MLLT3: variants seen among roughly 807,000 people sequenced by gnomAD.
The protein encoded by MLLT3 is protein AF-9.
A neutral mutation model predicts 53.2 loss-of-function variants in MLLT3; 4 were observed. The observed-to-expected ratio is 0.08, with a 90% CI of 0.04 to 0.17. MLLT3 has a LOEUF of 0.17. Ranked by LOEUF, MLLT3 falls within the 10% of genes least tolerant of loss-of-function variation. The probability of loss-of-function intolerance (pLI) is 1.00; values close to 1 mark genes in which losing one functional copy is unlikely to be tolerated. For missense variants in MLLT3, 569 were observed against 684.0 expected, an observed-to-expected ratio of 0.83 and a Z score of 1.87; for synonymous variants, 283 against 230.6, an observed-to-expected ratio of 1.23 and a Z score of -2.06.
intron 2 of MLLT3, among the ~76,000 whole-genome samples, chr9:20,569,849 G>C (rs1218144923): frequency 6.6e-6 from 1 of 152,196 alleles, no homozygotes; most frequent in East Asian, 1.9e-4. Context: ...ATGTGAAGCA[G>C]AAGCTCAGTA....
chr9:20,621,692 G>A lies in MLLT3; in HGVS notation c.12+553C>T. On this transcript the variant is annotated intron_variant, in intron 1 of 10. Transcript: ENST00000380338. The surrounding 1 kb of genome is among the most constrained non-coding windows in gnomAD (Gnocchi z 7.0). ...CGGCTCGCGCTCAGCACCTCCCGGC[G>A]CTGGGGCAAAGTTGCGTGCGGCCCC... is the stretch of plus-strand genomic sequence containing the variant. 2 of 1,398,886 alleles carry A rather than the reference G, an allele frequency of 1.4e-6. No homozygotes were observed. The highest frequency in any genetic ancestry group is 1.3e-5 in the South Asian group (1 of 76,430). 86.7% of individuals were successfully genotyped at this position (1,398,886 alleles called of 1,614,324 possible).
intron 10 of MLLT3, among the ~76,000 whole-genome samples, chr9:20,352,270 G>C (rs889652950): frequency 6.6e-6 from 1 of 152,146 alleles, no homozygotes; most frequent in African/African-American, 2.4e-5. Context: ...GGCCCAGCTT[G>C]GGCATTAATA....
chr9:20,618,109 A>T (rs1405028311), intron 2 of MLLT3, among the ~76,000 whole-genome samples: 4 of 152,174 alleles, frequency 2.6e-5, no homozygotes, highest in Admixed American at 2.0e-4. Flanking sequence ...TATAGCCAAC[A>T]CAGCTTATTT....
At chr9:20,399,315 A>T (rs1028322256) in intron 5 of MLLT3, among the ~76,000 whole-genome samples, 1 of 152,288 alleles carries the variant, frequency 6.6e-6, no homozygotes, top group Admixed American at 6.5e-5. Context: ...CTATAAATAC[A>T]TACGCATATA....
At chr9:20,429,212 T>A (rs996289968) in intron 4 of MLLT3, among the ~76,000 whole-genome samples, 1 of 151,570 alleles carries the variant, frequency 6.6e-6, no homozygotes, top group African/African-American at 2.4e-5. Flanking sequence ...TAAAAAAGAT[T>A]TAAAAATTAG....
intron 2 of MLLT3, among the ~76,000 whole-genome samples, chr9:20,581,867 C>T (rs1819800551): frequency 6.6e-6 from 1 of 152,180 alleles, no homozygotes; most frequent in Non-Finnish European, 1.5e-5. Flanking sequence ...CTCTATATCA[C>T]TATTTAAGGA....
At chr9:20,587,939 T>C (rs1464734263) in intron 2 of MLLT3, among the ~76,000 whole-genome samples, 6 of 150,296 alleles carry the variant, frequency 4.0e-5, no homozygotes, top group African/African-American at 2.4e-5. Flanking sequence ...TGAATGGTAA[T>C]GCCTAGGTTT....
intron 2 of MLLT3, among the ~76,000 whole-genome samples, chr9:20,508,748 G>C (rs2118956348): frequency 6.6e-6 from 1 of 152,214 alleles, no homozygotes; most frequent in East Asian, 1.9e-4. Flanking sequence ...TTCACTAATG[G>C]AAGTATAAAA....
rs1396554866 is a variant in MLLT3 at position 20,353,922 on chromosome 9, G to T, written c.1504-326C>A. ...AGGTAGGGAAATTAAATGCTAAATT[G>T]TGAGTTTAAACATATTAACAAAGGC... On this transcript the variant is annotated intron_variant, in intron 9 of 10. Transcript: ENST00000380338. Among the ~76,000 whole-genome samples, 3 of 151,848 alleles carry T rather than the reference G, an allele frequency of 2.0e-5. No homozygotes were observed. In the East Asian group the frequency reaches 5.8e-4, roughly 29 times the overall value.
Position 20,462,136 on chromosome 9 carries a change from CACT to C in MLLT3, c.194-5353_194-5351del, listed in dbSNP as rs556077087. Among the ~76,000 whole-genome samples, 328 of 152,282 alleles carry C rather than the reference CACT, an allele frequency of 2.2e-3. 3 individuals are homozygous for C. Among genetic ancestry groups the C allele is most frequent in the African/African-American group, 7.7e-3 (319 of 41,558 alleles). On this transcript the variant is annotated intron_variant, in intron 2 of 10. Transcript: ENST00000380338. ...TCAGAGGGTAGCTTACCGCACCTAC[CACT>C]ACAAGGCTTTACAGTCAAGACATTT...
rs569423614 is a variant in MLLT3 at position 20,421,490 on chromosome 9, G to T, written c.421-7065C>A. ...TATTCACTTTGAGAAACTGGGAAAAGATCCACAAAACATGCAAACATTATA... is the reference window on the plus strand; with the variant it reads ...TATTCACTTTGAGAAACTGGGAAAATATCCACAAAACATGCAAACATTATA... On this transcript the variant is annotated intron_variant, in intron 4 of 10. Transcript: ENST00000380338. Among the ~76,000 whole-genome samples, 3 of 152,146 alleles carry T rather than the reference G, an allele frequency of 2.0e-5. No individual in the cohort carries two copies. In the East Asian group the frequency reaches 5.8e-4, roughly 29 times the overall value.
intron 7 of MLLT3, 116 bp downstream of exon 7, chr9:20,363,360 T>A: frequency 4.1e-6 from 5 of 1,208,236 alleles, no homozygotes; most frequent in Non-Finnish European, 5.8e-6. Context: ...ATCAAATGAA[T>A]GTGACCATCT....
chr9:20,374,032 T>C (rs1158351053), intron 5 of MLLT3, among the ~76,000 whole-genome samples: 1 of 152,040 alleles, frequency 6.6e-6, no homozygotes, highest in Non-Finnish European at 1.5e-5. Context: ...TCATTTAGTT[T>C]CTCCTCTGTA....
chr9:20,410,823 G>A (rs140651609), intron 5 of MLLT3, among the ~76,000 whole-genome samples: 2,636 of 152,024 alleles, frequency 0.017, 35 homozygotes, highest in Admixed American at 0.04. Flanking sequence ...ATACTGAGGC[G>A]AGATGTTTTC....
intron 2 of MLLT3, among the ~76,000 whole-genome samples, chr9:20,600,427 A>C (rs754820823): frequency 2.6e-4 from 39 of 152,174 alleles, no homozygotes; most frequent in Admixed American, 5.2e-4. Flanking sequence ...TAGAAATACA[A>C]CCCCTTCCTT....
chr9:20,517,689 AGCCGGGTGT>A (rs2118973405), intron 2 of MLLT3, among the ~76,000 whole-genome samples: 1 of 151,976 alleles, frequency 6.6e-6, no homozygotes, highest in African/African-American at 2.4e-5. Context: ...ATACAAAATA[AGCCGGGTGT>A]GCTGGTGTGG....
intron 2 of MLLT3, among the ~76,000 whole-genome samples, chr9:20,605,189 C>G (rs73434568): frequency 1.3e-5 from 2 of 151,932 alleles, no homozygotes; most frequent in Non-Finnish European, 2.9e-5. Context: ...AAGAAACAAA[C>G]TCAATTCCTC....
chr9:20,563,403 G>A (rs1482939721), intron 2 of MLLT3, among the ~76,000 whole-genome samples: 3 of 152,002 alleles, frequency 2.0e-5, no homozygotes, highest in African/African-American at 7.2e-5. Flanking sequence ...AGGGAGGGGT[G>A]TCATATATTT....
intron 2 of MLLT3, among the ~76,000 whole-genome samples, chr9:20,612,806 G>C (rs917923670): frequency 2.0e-5 from 3 of 152,122 alleles, no homozygotes; most frequent in African/African-American, 7.2e-5. Flanking sequence ...AATTGGCAAA[G>C]ATATAGAGGA....
Sources: gnomAD v4.1 joint callset for allele counts (sites outside exome capture counted in the v4.1 genomes callset) on GRCh38, gnomAD v4.1.1 for gene constraint, Gnocchi (gnomAD v3.1) non-coding constraint, MANE v1.5 for transcripts, NCBI Gene and HGNC (gene_info 2026-07-23, HGNC 2026-07-21) for gene names.